Variants in SYNE1 observed in about 807,000 individuals in gnomAD.
SYNE1 encodes spectrin repeat containing nuclear envelope protein 1.
In SYNE1, 616 loss-of-function variants were observed where a neutral mutation model predicts 1,111.0. The observed-to-expected ratio is 0.55, with a 90% CI of 0.52 to 0.59. SYNE1 has a LOEUF of 0.59. SYNE1 is among the 20% of genes least tolerant of loss of function. SYNE1 has a pLI of 0.00. For missense variants in SYNE1, 10,006 were observed against 10,417.0 expected (o/e 0.96, Z 1.72); for synonymous variants, 3,855 against 3,825.8 (o/e 1.01, Z -0.28).
In SYNE1 at chr6:152,221,555, A is replaced by G. The variant is rs2080184139; in HGVS notation, c.21527T>C (p.Leu7176Pro). ...VQVQVDNLQNLQDDLEKQERS... is the reference protein window; with the variant it reads ...VQVQVDNLQNPQDDLEKQERS... ...TTCCTGTTTTTCCAGATCATCTTGG[A>G]GATTCTGCCCCAAAAAAAAGACCCA... The change falls in exon 118 of 146, where the codon CTC (leucine) becomes CCC (proline). Residue 7176 changes from leucine to proline, a missense_variant. This residue lies in a region of SYNE1 where 2,182 missense variants were observed against 2,287.8 expected (regional missense o/e 0.95). Transcript: ENST00000367255. 1 of 1,613,734 alleles carries G rather than the reference A, an allele frequency of 6.2e-7. No homozygotes were observed. Among genetic ancestry groups the G allele is most frequent in the Non-Finnish European group, 8.5e-7 (1 of 1,179,896 alleles).
At chr6:152,632,101 A>G (rs1293925363) in intron 2 of SYNE1, among the ~76,000 whole-genome samples, 2 of 152,138 alleles carry the variant, frequency 1.3e-5, no homozygotes, top group Admixed American at 6.5e-5. Flanking sequence ...TCTATCTTTC[A>G]CTACTGCTAG....
intron 135 of SYNE1, 71 bp from the exon 136 acceptor site, chr6:152,149,739 A>C: frequency 7.5e-7 from 1 of 1,341,344 alleles, no homozygotes. Flanking sequence ...ATCATAATAG[A>C]TGTATTTCTC....
Position 152,450,707 on chromosome 6 carries a change from G to A in SYNE1, c.3313C>T (p.Leu1105Phe). The stretch of plus-strand genomic sequence containing the variant: ...TCAATGGCAGCTCTGAGCTCTTTGA[G>A]AGTCACGTGACAGGTTCCAGGTGTG... ...RDTPGTCHVT[L>F]KELRAAIDST... is the part of the protein sequence containing the mutation. The change falls in exon 27 of 146, where the codon CTC becomes TTC. Residue 1105 changes from leucine (L) to phenylalanine (F), a missense_variant. Leu to Phe is a conservative substitution (Grantham distance 22, BLOSUM62 0). Coordinates refer to ENST00000367255, the MANE Select transcript of SYNE1 (RefSeq NM_182961.4). 1 of 1,614,136 alleles carries A rather than the reference G, an allele frequency of 6.2e-7. No homozygotes were observed. Among genetic ancestry groups the A allele is most frequent in the Admixed American group, 1.7e-5 (1 of 60,022 alleles).
intron 145 of SYNE1, chr6:152,125,929 A>C (rs1260621443): frequency 1.3e-5 from 2 of 152,274 alleles, no homozygotes; most frequent in African/African-American, 4.8e-5. Context: ...ATATTAATGC[A>C]CCCCTCATCT....
intron 16 of SYNE1, among the ~76,000 whole-genome samples, chr6:152,470,577 C>T (rs945866620): frequency 2.0e-5 from 3 of 152,072 alleles, no homozygotes; most frequent in Non-Finnish European, 4.4e-5. Flanking sequence ...GCAGTTAAAT[C>T]ATTTTTTTCT....
At position 152,329,717 on chromosome 6, in the gene SYNE1, C is replaced by G; in HGVS notation, c.14955+13G>C. On this transcript the variant is annotated intron_variant, in intron 78 of 145. Coordinates refer to ENST00000367255, the MANE Select transcript of SYNE1 (RefSeq NM_182961.4). ...GAGTGGAAAAAAGAGAAGTGAAGTC[C>G]TATTATACCCACCTGTCTGGTGCGT... 6.2e-7 allele frequency: 1 copy of G among 1,614,134 alleles called. No individual in the cohort carries two copies. The highest frequency in any genetic ancestry group is 1.1e-5 in the South Asian group (1 of 91,050).
chr6:152,300,259 C>T (rs7751093), intron 93 of SYNE1, among the ~76,000 whole-genome samples: 22,750 of 152,132 alleles, frequency 0.15, 2,150 homozygotes, highest in South Asian at 0.26. Flanking sequence ...AATGCCAGCA[C>T]TATTTTCAAT....
At chr6:152,519,968 C>T (rs1245596834) in intron 6 of SYNE1, among the ~76,000 whole-genome samples, 3 of 152,044 alleles carry the variant, frequency 2.0e-5, no homozygotes, top group African/African-American at 7.2e-5. Flanking sequence ...GAGAAAATAT[C>T]ATACAAACTG....
chr6:152,217,731 C>T (rs898939497), intron 121 of SYNE1, among the ~76,000 whole-genome samples: 11 of 151,832 alleles, frequency 7.2e-5, no homozygotes, highest in Non-Finnish European at 1.6e-4. Context: ...TGGAGAGGGA[C>T]CAGCCGTGGA....
In SYNE1 at chr6:152,299,497, C is replaced by T. The variant is rs139206489; in HGVS notation, c.17682+1144G>A. Among the ~76,000 whole-genome samples, 549 of 152,280 alleles carry T rather than the reference C, an allele frequency of 3.6e-3. 2 individuals carry two copies. The highest frequency in any genetic ancestry group is 4.7e-3 in the Non-Finnish European group (323 of 68,024). ...TGCCTTTCTCTCTAGACTGTCAGGG[C>T]CTTGCAGGTAGGGCCATGCTGACTC... On this transcript the variant is annotated intron_variant, in intron 93 of 145. Transcript: ENST00000367255.
At chr6:152,201,585 T>C (rs927192953) in intron 127 of SYNE1, among the ~76,000 whole-genome samples, 1 of 152,196 alleles carries the variant, frequency 6.6e-6, no homozygotes, top group African/African-American at 2.4e-5. Context: ...TTTAAATATC[T>C]TTTAATGTGT....
Position 152,310,028 on chromosome 6 carries a change from A to C in SYNE1, c.17020-11T>G. ...CTCAGACAACAAATGCTGAAAATGC[A>C]ATTTCATAGTTCAAAAATTTAATAT... On this transcript the variant is annotated splice_polypyrimidine_tract_variant and intron_variant, in intron 89 of 145. Coordinates refer to ENST00000367255, the MANE Select transcript of SYNE1 (RefSeq NM_182961.4). 1 of 1,612,602 alleles carries C rather than the reference A, an allele frequency of 6.2e-7. No individual in the cohort carries two copies.
chr6:152,293,274 T>A (rs902322205), intron 95 of SYNE1, among the ~76,000 whole-genome samples: 3 of 152,176 alleles, frequency 2.0e-5, no homozygotes, highest in Admixed American at 6.5e-5. Flanking sequence ...TCAAAATAAC[T>A]TGGCAACTCT....
At position 152,185,790 on chromosome 6, in the gene SYNE1, T is replaced by C. The variant is rs1379028093; in HGVS notation, c.23301+3462A>G. The stretch of plus-strand genomic sequence containing the variant: ...ATATTTTCAGATGGCTGTCTAGATA[T>C]ATCTAAGTCTGGAGAACAATTTTAC... On this transcript the variant is annotated intron_variant, in intron 128 of 145. Coordinates refer to ENST00000367255, the MANE Select transcript of SYNE1 (RefSeq NM_182961.4). Among the ~76,000 whole-genome samples, 5 of 152,260 alleles carry C rather than the reference T, an allele frequency of 3.3e-5. 1 individual carries two copies. In the South Asian group the frequency reaches 6.2e-4, roughly 19 times the overall value.
chr6:152,353,715 T>C lies in SYNE1; in HGVS notation c.10956A>G (p.Arg3652=), dbSNP rs757788893. 1.7e-5 allele frequency: 28 copies of C among 1,614,038 alleles called. No individual in the cohort carries two copies. In the South Asian group the frequency reaches 3.1e-4, roughly 18 times the overall value. Residue 3652 remains arginine (R), a synonymous_variant, in exon 68 of 146, where the codon AGA becomes AGG. Coordinates refer to ENST00000367255, the MANE Select transcript of SYNE1 (RefSeq NM_182961.4). ...TAGCTCCCACTTCCTCAACTTCATC[T>C]CTGTATGCAGTCACTTCTTCGTGCC... ...KKWHEEVTAY[R]DEVEEVGARA...
intron 3 of SYNE1, among the ~76,000 whole-genome samples, chr6:152,580,148 C>G (rs1025453176): frequency 1.3e-5 from 2 of 152,112 alleles, no homozygotes; most frequent in South Asian, 4.1e-4. Flanking sequence ...ATAGGTGTTC[C>G]CTTTTTCTCC....
chr6:152,409,046 G>C, intron 44 of SYNE1, 22 bp downstream of exon 44: 1 of 1,611,452 alleles, frequency 6.2e-7, no homozygotes. Flanking sequence ...ATAGTTCACA[G>C]AATCCCAGGT....
chr6:152,550,564 G>T (rs528870049), intron 3 of SYNE1, among the ~76,000 whole-genome samples: 27 of 151,334 alleles, frequency 1.8e-4, no homozygotes, highest in African/African-American at 5.8e-4. Flanking sequence ...ATGTATGGGG[G>T]TGTGGGAGAG....
chr6:152,463,361 C>T lies in SYNE1; in HGVS notation c.2089G>A (p.Val697Ile), dbSNP rs1651848630. The T allele has an allele frequency of 6.2e-7, 1 of 1,613,750 alleles. No homozygotes were observed. Among genetic ancestry groups the T allele is most frequent in the Non-Finnish European group, 8.5e-7 (1 of 1,179,738 alleles). ...AGACTTGAAAGACATACTTGCTTGA[C>T]TTCCATAAACAACTCCCTCCACCGC... ...NGRWRELFME[V>I]KQYAQADEMD... The change falls in exon 19 of 146, where the codon GTC becomes ATC. Residue 697 changes from valine to isoleucine, a missense_variant. By Grantham distance (29) the Val-to-Ile change is conservative. Around this residue, in one of 7 missense-constraint regions of SYNE1, gnomAD observed 1,971 missense variants for 2,084.1 expected, o/e 0.95. Transcript: ENST00000367255.
Sources: allele counts gnomAD v4.1 joint callset (sites outside exome capture counted in the v4.1 genomes callset), GRCh38; gene constraint gnomAD v4.1.1; regional missense constraint gnomAD v4.1.1; transcripts MANE v1.5; gene names NCBI Gene and HGNC (gene_info 2026-07-23, HGNC 2026-07-21).